Variants in USP31 observed in about 807,000 individuals in gnomAD.
The protein encoded by USP31 is ubiquitin carboxyl-terminal hydrolase 31.
Under a neutral mutation model 119.4 loss-of-function variants are expected in USP31, and 44 were observed. The observed-to-expected ratio is 0.37, with a 90% CI of 0.29 to 0.47. USP31 has a LOEUF of 0.47. USP31 is among the 20% of genes least tolerant of loss of function. The probability of loss-of-function intolerance (pLI) is 0.99; values close to 1 mark genes in which losing one functional copy is unlikely to be tolerated. For missense variants in USP31, 1,643 were observed against 1,730.2 expected, an observed-to-expected ratio of 0.95 and a Z score of 0.89; for synonymous variants, 749 against 705.6, an observed-to-expected ratio of 1.06 and a Z score of -0.97.
At chr16:23,126,039 T>C (rs184688242) in intron 1 of USP31, among the ~76,000 whole-genome samples, 32 of 152,100 alleles carry the variant, frequency 2.1e-4, no homozygotes, top group African/African-American at 7.2e-4. Context: ...ATAGCAGCCA[T>C]ACACAGTGCC....
intron 1 of USP31, among the ~76,000 whole-genome samples, chr16:23,108,665 G>C (rs189952545): frequency 6.6e-6 from 1 of 151,736 alleles, no homozygotes; most frequent in Non-Finnish European, 1.5e-5. Flanking sequence ...AATCATTTAG[G>C]GGGGTGTAGA....
intron 13 of USP31, chr16:23,079,231 T>G (rs1415373334): frequency 1.4e-5 from 2 of 141,838 alleles, no homozygotes; most frequent in Non-Finnish European, 3.2e-5. Context: ...TATGTATATT[T>G]TATCGCAATT....
intron 1 of USP31, among the ~76,000 whole-genome samples, chr16:23,143,989 A>T (rs116889058): frequency 0.021 from 3,172 of 152,256 alleles, 54 homozygotes; most frequent in Non-Finnish European, 0.029. Context: ...GAAAGGATAA[A>T]GGTAATGGCT....
At chr16:23,135,281 C>G (rs961117376) in intron 1 of USP31, among the ~76,000 whole-genome samples, 1 of 151,902 alleles carries the variant, frequency 6.6e-6, no homozygotes, top group African/African-American at 2.4e-5. Context: ...GCTCAAGAAA[C>G]AAGACAAGGA....
rs1385960729 is a variant in USP31 at position 23,063,820 on chromosome 16, T to C, written c.*4226A>G. On this transcript the variant is annotated 3_prime_UTR_variant, in exon 16 of 16. Coordinates refer to ENST00000219689, the MANE Select transcript of USP31 (RefSeq NM_020718.4). ...GTAAGAGCATGCTTTCTGAGTTATA[T>C]GGAGGCCACGCACAATTGTTTTTAC... is the stretch of plus-strand genomic sequence containing the variant. 1.3e-5 allele frequency: 2 copies of C among 152,118 alleles called. No individual in the cohort carries two copies. The highest frequency in any genetic ancestry group is 1.5e-5 in the Non-Finnish European group (1 of 68,010). 9.4% of individuals were successfully genotyped at this position (152,118 alleles called of 1,614,324 possible). A position where few individuals can be genotyped will look rare whatever the true frequency, so the allele number is the denominator to read the frequency against.
chr16:23,106,419 T>C lies in USP31; in HGVS notation c.840A>G (p.Glu280=). The change falls in exon 3 of 16, where the codon GAA becomes GAG. Residue 280 remains glutamate (E), a synonymous_variant. Coordinates refer to ENST00000219689, the MANE Select transcript of USP31 (RefSeq NM_020718.4). ...SFPVCSTFVQ[E]LFQAQYRSSL... ...CATACCTGTATTGCGCTTGAAAGAG[T>C]TCTTGTACAAAAGTGCTACAGACAG... The C allele has an allele frequency of 6.2e-7, 1 of 1,613,634 alleles. No homozygotes were observed. Among genetic ancestry groups the C allele is most frequent in the Non-Finnish European group, 8.5e-7 (1 of 1,179,902 alleles).
rs550670967 is a variant in USP31, at chr16:23,063,333, T to C, written c.*4713A>G. 4 of 152,390 alleles carry C rather than the reference T, an allele frequency of 2.6e-5. No homozygotes were observed. Among genetic ancestry groups the C allele is most frequent in the Non-Finnish European group, 5.9e-5 (4 of 68,028 alleles). The allele number at this position is 152,390 out of a possible 1,614,324, so 9.4% of individuals were successfully genotyped here. ...GCTTAGTCTAATTGTGATCAGTGGC[T>C]GGGAAGCCCCAAAGCTTTTCAAAAT... On this transcript the variant is annotated 3_prime_UTR_variant, in exon 16 of 16. Coordinates refer to ENST00000219689, the MANE Select transcript of USP31 (RefSeq NM_020718.4).
At position 23,149,350 on chromosome 16, in the gene USP31, C is replaced by A; in HGVS notation, c.-80G>T. The A allele has an allele frequency of 1.0e-6, 1 of 996,744 alleles. No individual in the cohort carries two copies. The highest frequency in any genetic ancestry group is 4.5e-5 in the South Asian group (1 of 22,184). The allele number at this position is 996,744 out of a possible 1,614,324, so 61.7% of individuals were successfully genotyped here. On this transcript the variant is annotated 5_prime_UTR_variant, in exon 1 of 16. Coordinates refer to ENST00000219689, the MANE Select transcript of USP31 (RefSeq NM_020718.4). ...CCACGGCCGCCGCCGCATCCCGCAG[C>A]GCCGCGCCTCACCGGGCCCGGGGGC...
At chr16:23,102,762 G>A (rs1901936670) in intron 5 of USP31, among the ~76,000 whole-genome samples, 1 of 152,062 alleles carries the variant, frequency 6.6e-6, no homozygotes, top group South Asian at 2.1e-4. Flanking sequence ...ACTGAACAGA[G>A]TCTATTTTTT....
At chr16:23,114,104 C>CAA (rs543474229) in intron 1 of USP31, among the ~76,000 whole-genome samples, 60 of 135,458 alleles carry the variant, frequency 4.4e-4, no homozygotes, top group African/African-American at 1.5e-3. Flanking sequence ...GACCCTTACT[C>CAA]AAAAAAAAAA....
Position 23,148,649 on chromosome 16 carries a change from G to C in USP31, c.622C>G (p.Arg208Gly), listed in dbSNP as rs1261357875. ...GCGCGCGGGCTCACCTTGAAGTCGC[G>C]GCTGTGCTGCGGGGTGTACTCCAGG... ...WTLEYTPQHS[R>G]DFKTIVSKNA... The change falls in exon 1 of 16, where the codon CGC becomes GGC. Residue 208 changes from arginine (R) to glycine (G), a missense_variant. Arg to Gly is a moderately radical substitution (Grantham distance 125, BLOSUM62 -2). This residue lies in a region of USP31 where 144 missense variants were observed against 218.0 expected (regional missense o/e 0.66). Coordinates refer to ENST00000219689, the MANE Select transcript of USP31 (RefSeq NM_020718.4). The C allele has an allele frequency of 1.3e-6, 2 of 1,489,258 alleles. No homozygotes were observed. The highest frequency in any genetic ancestry group is 1.8e-6 in the Non-Finnish European group (2 of 1,124,708). 92.3% of individuals were successfully genotyped at this position (1,489,258 alleles called of 1,614,324 possible). A position where few individuals can be genotyped will look rare whatever the true frequency, so the allele number is the denominator to read the frequency against.
At chr16:23,085,894 C>T (rs9933177) in intron 9 of USP31, among the ~76,000 whole-genome samples, 42,742 of 152,066 alleles carry the variant, frequency 0.28, 6,358 homozygotes, top group Admixed American at 0.35. Context: ...CAATACAGTA[C>T]TAATAATAAA....
At position 23,095,491 on chromosome 16, in the gene USP31, T is replaced by C. The variant is rs182514636; in HGVS notation, c.1235-4687A>G. ...GGCCAACATTCAAATTCAGGAAATA[T>C]AGAGAACACCACAAAGATACTCCTC... On this transcript the variant is annotated intron_variant, in intron 6 of 15. Transcript: ENST00000219689. 9.1e-3 allele frequency among the ~76,000 whole-genome samples: 1,379 copies of C among 152,072 alleles called. 22 individuals carry two copies. The highest frequency in any genetic ancestry group is 0.031 in the African/African-American group (1,284 of 41,478).
chr16:23,081,656 CG>C (rs1349050113), intron 12 of USP31, among the ~76,000 whole-genome samples: 1 of 152,222 alleles, frequency 6.6e-6, no homozygotes, highest in African/African-American at 2.4e-5. Context: ...AACCCTTCAT[CG>C]GAATCCTACT....
At chr16:23,072,387 A>G in intron 14 of USP31, 190 bp from the exon 15 acceptor site, 2 of 728,792 alleles carry the variant, frequency 2.7e-6, no homozygotes, top group Non-Finnish European at 4.6e-6. Flanking sequence ...AGATGAAAAG[A>G]TGTAAGGCAG....
At chr16:23,074,979 A>AT (rs1567225990) in intron 13 of USP31, among the ~76,000 whole-genome samples, 1 of 152,198 alleles carries the variant, frequency 6.6e-6, no homozygotes, top group Non-Finnish European at 1.5e-5. Context: ...GATGGGGCAG[A>AT]TAAGGTCCTG....
At chr16:23,085,012 C>CT (rs760574582) in intron 10 of USP31, 23 bp from the exon 11 acceptor site, 60 of 1,612,230 alleles carry the variant, frequency 3.7e-5, no homozygotes, top group Non-Finnish European at 4.9e-5. Flanking sequence ...GGAAAAGCAT[C>CT]TATCAGGGAA....
intron 1 of USP31, among the ~76,000 whole-genome samples, chr16:23,141,926 T>C (rs1903364279): frequency 2.0e-5 from 3 of 152,180 alleles, no homozygotes; most frequent in African/African-American, 7.2e-5. Context: ...ATCTTTCTAC[T>C]TACACTTTCA....
chr16:23,149,328 C>A lies in USP31; in HGVS notation c.-58G>T. ...GCCCGCCCGGCCCGCGGCCCCGCCA[C>A]GGCCGCCGCCGCATCCCGCAGCGCC... On this transcript the variant is annotated 5_prime_UTR_variant, in exon 1 of 16. Transcript: ENST00000219689. The A allele has an allele frequency of 9.9e-7, 1 of 1,007,810 alleles. No homozygotes were observed. The highest frequency in any genetic ancestry group is 1.2e-6 in the Non-Finnish European group (1 of 846,498). 62.4% of individuals were successfully genotyped at this position (1,007,810 alleles called of 1,614,324 possible). A position where few individuals can be genotyped will look rare whatever the true frequency, so the allele number is the denominator to read the frequency against.
Sources: allele counts gnomAD v4.1 joint callset (sites outside exome capture counted in the v4.1 genomes callset), GRCh38; gene constraint gnomAD v4.1.1; regional missense constraint gnomAD v4.1.1; transcripts MANE v1.5; gene names NCBI Gene and HGNC (gene_info 2026-07-23, HGNC 2026-07-21).